Variants in MAP4K4 observed in about 807,000 individuals in gnomAD.
The protein encoded by MAP4K4 is mitogen-activated protein kinase kinase kinase kinase 4.
MAP4K4 carries 38 observed loss-of-function variants against 189.6 expected under a neutral mutation model. The ratio of observed to expected loss-of-function variants is 0.20; its 90% CI spans 0.15 to 0.26. MAP4K4 has a LOEUF of 0.26. Among genes scored for constraint, MAP4K4 ranks in the 10% least tolerant of loss-of-function variants. The pLI, the probability that MAP4K4 is intolerant of heterozygous loss-of-function variation, is 1.00. For missense variants in MAP4K4, 1,054 were observed against 1,726.9 expected (o/e 0.61, Z 6.91); for synonymous variants, 610 against 624.3 (o/e 0.98, Z 0.34).
intron 12 of MAP4K4, among the ~76,000 whole-genome samples, chr2:101,854,366 C>T (rs528292967): frequency 1.3e-5 from 2 of 152,234 alleles, no homozygotes; most frequent in South Asian, 4.1e-4. Context: ...CATTTTATGA[C>T]CCCATCTCCA....
chr2:101,721,671 G>A (rs989366217), intron 2 of MAP4K4, among the ~76,000 whole-genome samples: 13 of 152,074 alleles, frequency 8.5e-5, no homozygotes, highest in African/African-American at 2.9e-4. Context: ...TCCTGACCTC[G>A]TGATCCGCCC....
intron 2 of MAP4K4, among the ~76,000 whole-genome samples, chr2:101,761,089 A>G (rs2076181600): frequency 6.6e-6 from 1 of 152,262 alleles, no homozygotes; most frequent in South Asian, 2.1e-4. Context: ...CCAACTTAAA[A>G]AAATGTGGAA....
intron 13 of MAP4K4, among the ~76,000 whole-genome samples, chr2:101,857,999 C>G (rs2097529913): frequency 6.6e-6 from 1 of 151,844 alleles, no homozygotes; most frequent in Non-Finnish European, 1.5e-5. Context: ...TTTTCCCTGT[C>G]CAAAAAAAGG....
intron 12 of MAP4K4, among the ~76,000 whole-genome samples, chr2:101,852,160 G>A (rs146161544): frequency 5.7e-4 from 85 of 150,242 alleles, no homozygotes; most frequent in African/African-American, 2.1e-3. Context: ...GTTTTTATTA[G>A]TATGAGGCAC....
chr2:101,825,033 C>T (rs919605960), intron 4 of MAP4K4, among the ~76,000 whole-genome samples: 1 of 152,122 alleles, frequency 6.6e-6, no homozygotes, highest in African/African-American at 2.4e-5. Flanking sequence ...CAAAGTGGTC[C>T]TCCTGTGCCC....
rs138037491 is a variant in MAP4K4, at chr2:101,766,684, C to T, written c.124-24036C>T. Among the ~76,000 whole-genome samples the T allele has an allele frequency of 4.9e-3, 743 of 151,584 alleles. 2 individuals are homozygous for T. The highest frequency in any genetic ancestry group is 8.5e-3 in the Non-Finnish European group (580 of 67,960). ...TGGATGTTTTTTCCTAACTTGTTTC[C>T]GGCTTTGGCATCTCTAAGCTCATTT... is the stretch of plus-strand genomic sequence containing the variant. On this transcript the variant is annotated intron_variant, in intron 2 of 32. Coordinates refer to ENST00000324219, the Ensembl canonical transcript of MAP4K4.
chr2:101,824,204 T>C (rs909871533), intron 4 of MAP4K4, 151 bp downstream of exon 4: 1 of 341,436 alleles, frequency 2.9e-6, no homozygotes, highest in Non-Finnish European at 4.1e-6. Flanking sequence ...TTCCTTGGCT[T>C]GTATCTGTGG....
intron 27 of MAP4K4, among the ~76,000 whole-genome samples, chr2:101,879,831 CTTTTT>C (rs60874878): frequency 8.0e-6 from 1 of 125,004 alleles, no homozygotes; most frequent in African/African-American, 2.9e-5. Flanking sequence ...TCAGCTGCTG[CTTTTT>C]TTTTTTTTTT....
At chr2:101,808,937 T>C (rs556336253) in intron 3 of MAP4K4, among the ~76,000 whole-genome samples, 1 of 152,170 alleles carries the variant, frequency 6.6e-6, no homozygotes, top group Non-Finnish European at 1.5e-5. Context: ...GACGTTCTGG[T>C]GTATTTCCAG....
At chr2:101,863,533 G>A (rs2097729377) in intron 16 of MAP4K4, among the ~76,000 whole-genome samples, 1 of 151,486 alleles carries the variant, frequency 6.6e-6, no homozygotes, top group Non-Finnish European at 1.5e-5. Flanking sequence ...CCTCTTTGTG[G>A]GGAAAAAAAA....
At chr2:101,716,249 C>T (rs1014800633) in intron 2 of MAP4K4, among the ~76,000 whole-genome samples, 1 of 152,160 alleles carries the variant, frequency 6.6e-6, no homozygotes, top group African/African-American at 2.4e-5. Flanking sequence ...TGAGACCATC[C>T]TGGCTAACAC....
At chr2:101,855,950 G>A in intron 12 of MAP4K4, 27 bp from the exon 13 acceptor site, 3 of 1,540,084 alleles carry the variant, frequency 1.9e-6, no homozygotes, top group South Asian at 1.2e-5. Flanking sequence ...GAAGATCCCT[G>A]GTAATTATAC....
intron 3 of MAP4K4, among the ~76,000 whole-genome samples, chr2:101,812,065 A>G (rs1397714929): frequency 1.3e-5 from 2 of 152,178 alleles, no homozygotes. Context: ...ATGTGTTTTC[A>G]TGACAACAAT....
chr2:101,780,184 T>C (rs1479401428), intron 2 of MAP4K4, among the ~76,000 whole-genome samples: 2 of 152,202 alleles, frequency 1.3e-5, no homozygotes, highest in Non-Finnish European at 2.9e-5. Context: ...GAAACCTTAA[T>C]TGAAGGTTGA....
rs1031642235 is a variant in MAP4K4 at position 101,790,519 on chromosome 2, G to A, written c.124-201G>A. On this transcript the variant is annotated intron_variant, in intron 2 of 32. Transcript: ENST00000324219. Reference sequence around the variant, plus strand: ...TTTATCAAAAACTCATTTGTTCATCGAATTGTCTTGCTTATTAAGTGTGGT... The same window carrying A: ...TTTATCAAAAACTCATTTGTTCATCAAATTGTCTTGCTTATTAAGTGTGGT... 2.0e-5 allele frequency among the ~76,000 whole-genome samples: 3 copies of A among 152,214 alleles called. No individual in the cohort carries two copies. The East Asian group carries it at 5.8e-4, about 29-fold the overall frequency.
chr2:101,857,045 G>A (rs1409800518), intron 13 of MAP4K4, among the ~76,000 whole-genome samples: 1 of 152,166 alleles, frequency 6.6e-6, no homozygotes, highest in Non-Finnish European at 1.5e-5. Flanking sequence ...TGTGTAGCGC[G>A]TGTGCTTTAA....
intron 3 of MAP4K4, among the ~76,000 whole-genome samples, chr2:101,810,801 A>G (rs2095372102): frequency 1.3e-5 from 2 of 152,230 alleles, no homozygotes; most frequent in South Asian, 4.1e-4. Flanking sequence ...TTTAGTTAGA[A>G]AAACTGATAA....
chr2:101,723,548 G>T (rs541292547), intron 2 of MAP4K4, among the ~76,000 whole-genome samples: 47 of 152,308 alleles, frequency 3.1e-4, no homozygotes, highest in African/African-American at 1.1e-3. Context: ...CTCTCTCCTT[G>T]TGTAGCTTGT....
At chr2:101,759,007 C>CTACA (rs2074361013) in intron 2 of MAP4K4, among the ~76,000 whole-genome samples, 1 of 152,036 alleles carries the variant, frequency 6.6e-6, no homozygotes, top group Admixed American at 6.6e-5. Context: ...GTGGCAGGCG[C>CTACA]CTGTAGTCCC....
Sources: allele counts gnomAD v4.1 joint callset (sites outside exome capture counted in the v4.1 genomes callset), GRCh38; gene constraint gnomAD v4.1.1; transcripts MANE v1.5; gene names NCBI Gene and HGNC (gene_info 2026-07-23, HGNC 2026-07-21).